The following EIF1AX variants were observed in gnomAD, a reference collection of about 807,000 sequenced individuals.
EIF1AX encodes the protein eukaryotic translation initiation factor 1A X-linked, also known as eukaryotic translation initiation factor 1A, X-chromosomal.
In EIF1AX, 1 loss-of-function variant was observed where a neutral mutation model predicts 16.1. The ratio of observed to expected loss-of-function variants is 0.06; its 90% CI spans 0.02 to 0.30. The LOEUF (loss-of-function observed/expected upper bound fraction) is 0.30. Among genes scored for constraint, EIF1AX ranks in the 10% least tolerant of loss-of-function variants. The pLI is 1.00. For synonymous variants in EIF1AX, 32 were observed against 37.3 expected (o/e 0.86, Z 0.51); for missense variants, 11 against 109.1 (o/e 0.10, Z 4.00).
At chrX:20,140,759 A>C (rs1368900741) in intron 1 of EIF1AX, among the ~76,000 whole-genome samples, 1 of 111,917 alleles carries the variant, frequency 8.9e-6, no homozygotes, top group African/African-American at 3.3e-5. Context: ...TTACTTGCAC[A>C]ATTTTCTTCA....
intron 5 of EIF1AX, 138 bp from the exon 6 acceptor site, chrX:20,130,745 A>G: frequency 5.6e-6 from 3 of 535,700 alleles, no homozygotes; most frequent in Non-Finnish European, 8.1e-6. Context: ...GTCACTGCTA[A>G]GTCAAGATGG....
In EIF1AX at chrX:20,135,862, G is replaced by A. The variant is rs756358787; in HGVS notation, c.101-21C>T. 1.2e-5 allele frequency: 13 copies of A among 1,100,158 alleles called. No homozygotes were observed. In the East Asian group the frequency reaches 3.9e-4, roughly 33 times the overall value. 90.7% of individuals were successfully genotyped at this position (1,100,158 alleles called of 1,213,427 possible). On this transcript the variant is annotated intron_variant, in intron 2 of 6. Transcript: ENST00000379607. ...ATACTCTAGCGGGGAGAAAGGAAAA[G>A]GGTATGGAATATTGTTCAACTTTTG...
At chrX:20,128,388 A>C in intron 6 of EIF1AX, 77 bp from the exon 7 acceptor site, 1 of 870,956 alleles carries the variant, frequency 1.1e-6, no homozygotes, top group Non-Finnish European at 1.6e-6. Context: ...TATAAGGGAG[A>C]CTTTCACCTC....
rs763662392 is a variant in EIF1AX at position 20,133,968 on chromosome X, G to T, written c.244C>A (p.Arg82=). 1 of 1,196,185 alleles carries T rather than the reference G, an allele frequency of 8.4e-7. No homozygotes were observed. The highest frequency in any genetic ancestry group is 1.8e-5 in the South Asian group (1 of 54,202). Residue 82 remains arginine (R), a synonymous_variant, in exon 4 of 7, where the codon CGA becomes AGA. Coordinates refer to ENST00000379607, the MANE Select transcript of EIF1AX (RefSeq NM_001412.4). ...NTSDIILVGL[R]DYQDNKADVI... is the part of the protein sequence containing the mutation. ...CATGTAAATTTTACCTGGTAGTCTC[G>T]GAGACCAACCAAAATAATGTCCGAG...
In EIF1AX at chrX:20,132,177, A is replaced by G. The variant is rs1569173427; in HGVS notation, c.337+5T>C. 8.4e-7 allele frequency: 1 copy of G among 1,185,257 alleles called. No homozygotes were observed. On this transcript the variant is annotated splice_donor_5th_base_variant and intron_variant, in intron 5 of 6. Transcript: ENST00000379607. The stretch of plus-strand genomic sequence containing the variant: ...GACAAGTTAATACAGTAACTCAGAC[A>G]TTACCATGCTCTGGAAGCTCGCCGT...
chrX:20,135,756 T>C lies in EIF1AX; in HGVS notation c.186A>G (p.Arg62=), dbSNP rs759798231. The C allele has an allele frequency of 1.7e-6, 2 of 1,202,219 alleles. No individual in the cohort carries two copies. The highest frequency in any genetic ancestry group is 1.1e-6 in the Non-Finnish European group (1 of 887,051). ...CACCTACCTTTTTTCTCAATTTTCC[T>C]CTGATGTGACATAACCTCTTTACAC... ...FDGVKRLCHI[R]GKLRKKVWIN... Residue 62 remains arginine, a synonymous_variant, in exon 3 of 7, where the codon AGA becomes AGG. Coordinates refer to ENST00000379607, the MANE Select transcript of EIF1AX (RefSeq NM_001412.4).
chrX:20,139,517 GT>G (rs746642725), intron 1 of EIF1AX, among the ~76,000 whole-genome samples: 1 of 110,987 alleles, frequency 9.0e-6, no homozygotes. Context: ...AAGTCACAAT[GT>G]TTTTTTTGCC....
At chrX:20,139,367 C>G (rs1354569585) in intron 1 of EIF1AX, among the ~76,000 whole-genome samples, 1 of 112,334 alleles carries the variant, frequency 8.9e-6, no homozygotes, top group African/African-American at 3.2e-5. Flanking sequence ...TTACTTGTCA[C>G]AATCACCCCA....
rs901274060 is a variant in EIF1AX, at chrX:20,136,481, A to G, written c.101-640T>C. 8.7e-5 allele frequency: 14 copies of G among 161,542 alleles called. No individual in the cohort carries two copies. In the South Asian group the frequency reaches 1.4e-3, roughly 17 times the overall value. 13.3% of individuals were successfully genotyped at this position (161,542 alleles called of 1,213,427 possible). On this transcript the variant is annotated intron_variant, in intron 2 of 6. Transcript: ENST00000379607. Reference sequence around the variant, plus strand: ...TGTTTAAATTATCGACTCATTCTGAATAAGTAGATTGACTACCCCACTTTT... The same window carrying G: ...TGTTTAAATTATCGACTCATTCTGAGTAAGTAGATTGACTACCCCACTTTT...
intron 3 of EIF1AX, among the ~76,000 whole-genome samples, chrX:20,135,100 CTT>C (rs755530368): frequency 0.19 from 16,521 of 87,567 alleles, 1,256 homozygotes; most frequent in African/African-American, 0.3. Flanking sequence ...AGTACCCCAG[CTT>C]TTTTTTTTTT....
At chrX:20,139,534 C>T (rs2067027680) in intron 1 of EIF1AX, among the ~76,000 whole-genome samples, 1 of 111,145 alleles carries the variant, frequency 9.0e-6, no homozygotes, top group South Asian at 3.7e-4. Flanking sequence ...TTGCCCCTAG[C>T]CCCCACATAA....
chrX:20,140,058 G>A (rs973545756), intron 1 of EIF1AX: 1 of 112,410 alleles, frequency 8.9e-6, no homozygotes, highest in Non-Finnish European at 1.9e-5. Context: ...AGGTCTGAGT[G>A]TACAACAATT....
At chrX:20,133,511 GT>G (rs61391912) in intron 4 of EIF1AX, among the ~76,000 whole-genome samples, 6,505 of 101,566 alleles carry the variant, frequency 0.064, 249 homozygotes, top group African/African-American at 0.14. Context: ...TTTATTCTGG[GT>G]TTTTTTTTTT....
Position 20,126,319 on chromosome X carries a change from C to G in EIF1AX, c.*1987G>C, listed in dbSNP as rs1317839874. 1 of 127,828 alleles carries G rather than the reference C, an allele frequency of 7.8e-6. No individual in the cohort carries two copies. Among genetic ancestry groups the G allele is most frequent in the East Asian group, 1.2e-4 (1 of 8,537 alleles). 10.5% of individuals were successfully genotyped at this position (127,828 alleles called of 1,213,427 possible). On this transcript the variant is annotated 3_prime_UTR_variant, in exon 7 of 7. Coordinates refer to ENST00000379607, the MANE Select transcript of EIF1AX (RefSeq NM_001412.4). ...TCCTCCAAGTAGTATTGCATATAAG[C>G]TACAACTTTACCCCAACTATTTTAA...
chrX:20,137,562 C>T (rs1317524644), intron 2 of EIF1AX, among the ~76,000 whole-genome samples: 2 of 111,793 alleles, frequency 1.8e-5, no homozygotes, highest in African/African-American at 3.3e-5. Context: ...TGAAATGACT[C>T]GAAATAAAAG....
Position 20,132,189 on chromosome X carries a change from T to C in EIF1AX, c.330A>G (p.Pro110=). Residue 110 remains proline, a synonymous_variant, in exon 5 of 7, where the codon CCA becomes CCG. Transcript: ENST00000379607. ...CAGTAACTCAGACATTACCATGCTC[T>C]GGAAGCTCGCCGTATGCCTTCAGAC... is the stretch of plus-strand genomic sequence containing the variant. ...ARSLKAYGEL[P]EHAKINETDT... 1.7e-6 allele frequency: 2 copies of C among 1,202,645 alleles called. No homozygotes were observed. The highest frequency in any genetic ancestry group is 2.2e-6 in the Non-Finnish European group (2 of 889,936).
chrX:20,132,600 T>A (rs935426597), intron 4 of EIF1AX, among the ~76,000 whole-genome samples: 1 of 111,988 alleles, frequency 8.9e-6, no homozygotes, highest in African/African-American at 3.2e-5. Context: ...GGGACAATAA[T>A]TTGCAGGGTG....
chrX:20,132,026 T>G (rs754502084), intron 5 of EIF1AX, among the ~76,000 whole-genome samples, 156 bp downstream of exon 5: 2 of 108,156 alleles, frequency 1.8e-5, no homozygotes, highest in East Asian at 5.7e-4. Context: ...AATTTCTTTC[T>G]TATAGTATCT....
intron 3 of EIF1AX, 83 bp downstream of exon 3, chrX:20,135,655 T>A: frequency 1.5e-6 from 1 of 682,754 alleles, no homozygotes; most frequent in South Asian, 2.6e-5. Flanking sequence ...TTTCCAAAAA[T>A]GAAGTCCATG....
Sources: gnomAD v4.1 joint callset for allele counts (sites outside exome capture counted in the v4.1 genomes callset) on GRCh38, gnomAD v4.1.1 for gene constraint, MANE v1.5 for transcripts, NCBI Gene and HGNC (gene_info 2026-07-23, HGNC 2026-07-21) for gene names.